Variants in ZFYVE9 observed in about 807,000 individuals in gnomAD.
The protein encoded by ZFYVE9 is zinc finger FYVE domain-containing protein 9.
ZFYVE9 carries 43 observed loss-of-function variants against 126.7 expected under a neutral mutation model. The observed-to-expected ratio is 0.34, with a 90% confidence interval of 0.27 to 0.44. The LOEUF is 0.44. Ranked by LOEUF, ZFYVE9 falls within the 20% of genes least tolerant of loss-of-function variation. The probability of loss-of-function intolerance (pLI) is 1.00; values close to 1 mark genes in which losing one functional copy is unlikely to be tolerated. For missense variants in ZFYVE9, 1,476 were observed against 1,697.0 expected, an observed-to-expected ratio of 0.87 and a Z score of 2.29; for synonymous variants, 521 against 597.4, an observed-to-expected ratio of 0.87 and a Z score of 1.87.
chr1:52,311,121 C>A (rs1646133290), intron 13 of ZFYVE9, among the ~76,000 whole-genome samples: 1 of 152,256 alleles, frequency 6.6e-6, no homozygotes, highest in Middle Eastern at 3.4e-3. Flanking sequence ...CTGCCTTGGC[C>A]TCCTCAAAGT....
At chr1:52,161,504 T>C (rs939147763) in intron 1 of ZFYVE9, among the ~76,000 whole-genome samples, 9 of 152,244 alleles carry the variant, frequency 5.9e-5, no homozygotes, top group African/African-American at 2.2e-4. Flanking sequence ...TTGCCCAGGC[T>C]GGTCTTGAAC....
At chr1:52,270,475 A>G (rs1259998886) in intron 7 of ZFYVE9, among the ~76,000 whole-genome samples, 1 of 152,154 alleles carries the variant, frequency 6.6e-6, no homozygotes, top group Non-Finnish European at 1.5e-5. Flanking sequence ...GATGTTAGCC[A>G]GGATGGTCTC....
chr1:52,326,107 T>G (rs1646289047), intron 13 of ZFYVE9, among the ~76,000 whole-genome samples: 1 of 152,228 alleles, frequency 6.6e-6, no homozygotes, highest in Non-Finnish European at 1.5e-5. Flanking sequence ...CAGTGCCTGG[T>G]TCATGGTTGG....
chr1:52,235,118 GA>G (rs1645262002), intron 3 of ZFYVE9, among the ~76,000 whole-genome samples: 2 of 152,172 alleles, frequency 1.3e-5, no homozygotes, highest in South Asian at 4.1e-4. Context: ...AACTCCTTTA[GA>G]AGGAGAAGGA....
In ZFYVE9 at chr1:52,296,198, T is replaced by C. The variant is rs533962189; in HGVS notation, c.3333+221T>C. On this transcript the variant is annotated intron_variant, in intron 12 of 18. Coordinates refer to ENST00000287727, the MANE Select transcript of ZFYVE9 (RefSeq NM_004799.4). ...GTATACACACACACACACACACATA[T>C]ATATATTCTTTTGCAAACATGAAGT... 4.8e-4 allele frequency among the ~76,000 whole-genome samples: 73 copies of C among 151,690 alleles called. 5 individuals carry two copies. The South Asian group carries it at 0.015, about 31-fold the overall frequency.
chr1:52,314,893 G>C (rs906864197), intron 13 of ZFYVE9, among the ~76,000 whole-genome samples: 2 of 152,058 alleles, frequency 1.3e-5, no homozygotes, highest in Non-Finnish European at 2.9e-5. Context: ...CGAGGCACGA[G>C]AATTGCTTGA....
At chr1:52,180,186 C>T (rs1644684392) in intron 1 of ZFYVE9, 1 of 1,527,172 alleles carries the variant, frequency 6.5e-7, no homozygotes, top group South Asian at 1.1e-5. Context: ...GGTCGTCTTG[C>T]ACCTTTACAA....
chr1:52,270,582 A>G (rs1254901435), intron 7 of ZFYVE9, among the ~76,000 whole-genome samples: 1 of 152,104 alleles, frequency 6.6e-6, no homozygotes, highest in African/African-American at 2.4e-5. Flanking sequence ...TCATTTTTAC[A>G]TATATGTGTG....
At chr1:52,202,498 CT>C (rs1266405825) in intron 1 of ZFYVE9, among the ~76,000 whole-genome samples, 2 of 151,726 alleles carry the variant, frequency 1.3e-5, no homozygotes, top group East Asian at 3.9e-4. Context: ...CCAGTCTGGT[CT>C]TGAACTCCTG....
intron 1 of ZFYVE9, among the ~76,000 whole-genome samples, chr1:52,166,336 G>A (rs1323046837): frequency 6.6e-6 from 1 of 152,098 alleles, no homozygotes; most frequent in Non-Finnish European, 1.5e-5. Flanking sequence ...GTGGATTCCC[G>A]CGAGTCTGTG....
At chr1:52,240,541 G>C (rs1254458808) in intron 4 of ZFYVE9, among the ~76,000 whole-genome samples, 1 of 152,140 alleles carries the variant, frequency 6.6e-6, no homozygotes, top group Non-Finnish European at 1.5e-5. Context: ...GGAACAGAGT[G>C]TTTGACCCCC....
intron 1 of ZFYVE9, among the ~76,000 whole-genome samples, chr1:52,159,444 A>G (rs1644435602): frequency 6.6e-5 from 10 of 152,186 alleles, no homozygotes; most frequent in African/African-American, 2.4e-5. Flanking sequence ...AGGAGGCACA[A>G]TTGTCAGGGA....
In ZFYVE9 at chr1:52,266,685, C is replaced by G; in HGVS notation, c.2309C>G (p.Ser770Ter). The change falls in exon 6 of 19, where the codon TCA (serine) becomes TGA (stop). Residue 770 changes from serine to a stop codon, truncating the protein, a stop_gained. Coordinates refer to ENST00000287727, the MANE Select transcript of ZFYVE9 (RefSeq NM_004799.4). LOFTEE classifies it high-confidence loss of function. ...AQAWENMMSA[S>*]SQSPNPNNPA... Reference sequence around the variant, plus strand: ...GCCTGGGAGAACATGATGAGTGCCTCAAGCCAGAGCCCTAACCCTAACAAT... The same window carrying G: ...GCCTGGGAGAACATGATGAGTGCCTGAAGCCAGAGCCCTAACCCTAACAAT... 1 of 1,603,868 alleles carries G rather than the reference C, an allele frequency of 6.2e-7. No homozygotes were observed. Among genetic ancestry groups the G allele is most frequent in the African/African-American group, 1.3e-5 (1 of 74,570 alleles).
intron 10 of ZFYVE9, among the ~76,000 whole-genome samples, chr1:52,285,084 C>G (rs566743399): frequency 6.6e-6 from 1 of 152,050 alleles, no homozygotes; most frequent in African/African-American, 2.4e-5. Flanking sequence ...GTGTTAATGG[C>G]GTACCTAAAT....
At chr1:52,230,761 A>G (rs1010358768) in intron 2 of ZFYVE9, among the ~76,000 whole-genome samples, 1 of 152,116 alleles carries the variant, frequency 6.6e-6, no homozygotes, top group African/African-American at 2.4e-5. Context: ...ATGAAGAATG[A>G]TGAACTTAAA....
intron 13 of ZFYVE9, among the ~76,000 whole-genome samples, chr1:52,305,650 C>T (rs1405563609): frequency 6.6e-6 from 1 of 152,112 alleles, no homozygotes; most frequent in Non-Finnish European, 1.5e-5. Context: ...CAAGGTGCAG[C>T]TGCCCAAGTT....
intron 1 of ZFYVE9, among the ~76,000 whole-genome samples, chr1:52,213,243 C>T (rs1645043528): frequency 1.3e-5 from 2 of 152,082 alleles, no homozygotes; most frequent in Admixed American, 1.3e-4. Flanking sequence ...TTTTTCTGAA[C>T]TATTTCTTTA....
At chr1:52,283,094 T>C (rs964586131) in intron 10 of ZFYVE9, among the ~76,000 whole-genome samples, 1 of 152,138 alleles carries the variant, frequency 6.6e-6, no homozygotes, top group African/African-American at 2.4e-5. Flanking sequence ...CCAAAATGTA[T>C]AGGGTTAAAT....
At chr1:52,320,335 G>T (rs1646227834) in intron 13 of ZFYVE9, among the ~76,000 whole-genome samples, 1 of 152,080 alleles carries the variant, frequency 6.6e-6, no homozygotes, top group African/African-American at 2.4e-5. Flanking sequence ...CTCCCAATGT[G>T]CTGGGATTAC....
Sources: allele counts gnomAD v4.1 joint callset (sites outside exome capture counted in the v4.1 genomes callset), GRCh38; gene constraint gnomAD v4.1.1; transcripts MANE v1.5; gene names NCBI Gene and HGNC (gene_info 2026-07-23, HGNC 2026-07-21).